The following LRRC4C variants were observed in gnomAD, a reference collection of about 807,000 sequenced individuals.
LRRC4C encodes leucine-rich repeat-containing protein 4C.
In LRRC4C, 5 loss-of-function variants were observed where a neutral mutation model predicts 33.6. The ratio of observed to expected loss-of-function variants is 0.15; its 90% CI spans 0.08 to 0.31. LRRC4C has a LOEUF of 0.31. LRRC4C is among the 10% of genes least tolerant of loss of function. LRRC4C has a pLI of 1.00. For synonymous variants in LRRC4C, 329 were observed against 302.0 expected, an observed-to-expected ratio of 1.09 and a Z score of -0.93; for missense variants, 560 against 796.7, an observed-to-expected ratio of 0.70 and a Z score of 3.58.
At position 41,371,845 on chromosome 11, in the gene LRRC4C, T is replaced by C. The variant is rs183321833; in HGVS notation, c.-496+87586A>G. 9.2e-5 allele frequency among the ~76,000 whole-genome samples: 14 copies of C among 152,192 alleles called. No individual in the cohort carries two copies. The East Asian group carries it at 2.3e-3, about 25-fold the overall frequency. ...ACACTGACTTCCTCCAAAACAGAGA[T>C]AGAAATTGGGCCGGGCGCGGTGGCT... On this transcript the variant is annotated intron_variant, in intron 1 of 6. Transcript: ENST00000528697.
Position 40,346,880 on chromosome 11 carries a change from T to G in LRRC4C, c.-269-27159A>C, listed in dbSNP as rs374036142. ...CAGCAAGCCATACTATAAATAGATG[T>G]GCTGTCATCCAGGCTTTGTCATTCC... On this transcript the variant is annotated intron_variant, in intron 3 of 6. Transcript: ENST00000528697. Among the ~76,000 whole-genome samples the G allele has an allele frequency of 2.0e-5, 3 of 152,236 alleles. No homozygotes were observed. In the East Asian group the frequency reaches 5.8e-4, roughly 29 times the overall value.
At chr11:40,365,220 C>T (rs1231168567) in intron 3 of LRRC4C, among the ~76,000 whole-genome samples, 3 of 151,816 alleles carry the variant, frequency 2.0e-5, no homozygotes, top group Non-Finnish European at 2.9e-5. Flanking sequence ...TGTGATGTAT[C>T]ATATATACGA....
At chr11:40,868,173 G>C (rs1954464542) in intron 2 of LRRC4C, among the ~76,000 whole-genome samples, 1 of 152,088 alleles carries the variant, frequency 6.6e-6, no homozygotes, top group Non-Finnish European at 1.5e-5. Flanking sequence ...AATGGCTGGG[G>C]GATGCTTGTG....
At chr11:41,060,063 A>C (rs1858951849) in intron 1 of LRRC4C, among the ~76,000 whole-genome samples, 1 of 152,116 alleles carries the variant, frequency 6.6e-6, no homozygotes, top group South Asian at 2.1e-4. Context: ...GCAAATAAGA[A>C]TGTTCATTTC....
chr11:40,749,561 T>A (rs1948587815), intron 2 of LRRC4C, among the ~76,000 whole-genome samples: 1 of 140,654 alleles, frequency 7.1e-6, no homozygotes. Context: ...TGGACTTCAA[T>A]AAATTAGAAA....
intron 1 of LRRC4C, among the ~76,000 whole-genome samples, chr11:41,407,037 A>C (rs1345653339): frequency 6.6e-6 from 1 of 152,166 alleles, no homozygotes; most frequent in Non-Finnish European, 1.5e-5. Context: ...GTGTTTTTCT[A>C]ATATACATTG....
rs115338205 is a variant in LRRC4C at position 40,526,823 on chromosome 11, G to A, written c.-270+121319C>T. On this transcript the variant is annotated intron_variant, in intron 3 of 6. Coordinates refer to ENST00000528697, the MANE Select transcript of LRRC4C (RefSeq NM_001258419.2). The stretch of plus-strand genomic sequence containing the variant: ...CAGTAAAGAGCATTTTAAAAATGTG[G>A]TGTATTCATATAATGAATACAGTAA... 2.3e-4 allele frequency among the ~76,000 whole-genome samples: 35 copies of A among 152,218 alleles called. No individual in the cohort carries two copies. The South Asian group carries it at 6.6e-3, about 29-fold the overall frequency.
At chr11:40,327,699 A>G (rs1036400500) in intron 3 of LRRC4C, among the ~76,000 whole-genome samples, 1 of 151,944 alleles carries the variant, frequency 6.6e-6, no homozygotes, top group Non-Finnish European at 1.5e-5. Context: ...TGAGTCTTTT[A>G]TAACTTCTCT....
intron 1 of LRRC4C, among the ~76,000 whole-genome samples, chr11:40,999,856 A>C (rs1565287129): frequency 6.6e-6 from 1 of 152,104 alleles, no homozygotes; most frequent in Non-Finnish European, 1.5e-5. Flanking sequence ...AAAAGAGGTA[A>C]CATTGGACCT....
intron 2 of LRRC4C, among the ~76,000 whole-genome samples, chr11:40,746,670 T>C (rs1190773625): frequency 6.6e-6 from 1 of 152,124 alleles, no homozygotes; most frequent in Non-Finnish European, 1.5e-5. Context: ...GACCAGGCTA[T>C]GTATGCTCCA....
intron 1 of LRRC4C, among the ~76,000 whole-genome samples, chr11:41,310,307 G>T (rs993758878): frequency 1.3e-5 from 2 of 152,168 alleles, no homozygotes; most frequent in African/African-American, 4.8e-5. Flanking sequence ...AGAAGAATTA[G>T]GACTCTGATG....
chr11:40,877,973 C>A (rs956783598), intron 2 of LRRC4C, among the ~76,000 whole-genome samples: 32 of 152,140 alleles, frequency 2.1e-4, no homozygotes, highest in Admixed American at 1.6e-3. Context: ...TGAGATGTAG[C>A]TTTTTGTTGG....
At chr11:40,396,614 G>C (rs552306333) in intron 3 of LRRC4C, among the ~76,000 whole-genome samples, 6 of 152,060 alleles carry the variant, frequency 3.9e-5, no homozygotes, top group Non-Finnish European at 7.4e-5. Flanking sequence ...ATTTAATAGA[G>C]AAACCTATTA....
intron 3 of LRRC4C, among the ~76,000 whole-genome samples, chr11:40,423,408 C>G (rs1254919182): frequency 4.1e-5 from 6 of 144,818 alleles, no homozygotes; most frequent in African/African-American, 7.6e-5. Flanking sequence ...GCAGTGGCGC[C>G]ATCTCGGCTC....
intron 1 of LRRC4C, among the ~76,000 whole-genome samples, chr11:41,372,059 C>T (rs1952769026): frequency 6.6e-6 from 1 of 152,202 alleles, no homozygotes; most frequent in South Asian, 2.1e-4. Flanking sequence ...ATGGCGTGAA[C>T]CCCGGAGGCA....
At chr11:41,050,016 T>C (rs891329506) in intron 1 of LRRC4C, among the ~76,000 whole-genome samples, 1 of 152,144 alleles carries the variant, frequency 6.6e-6, no homozygotes, top group Non-Finnish European at 1.5e-5. Context: ...TTTCATTAAC[T>C]TGGGGGTAAA....
intron 4 of LRRC4C, among the ~76,000 whole-genome samples, chr11:40,263,997 G>T (rs1326666242): frequency 1.3e-5 from 2 of 152,202 alleles, no homozygotes; most frequent in East Asian, 1.9e-4. Context: ...GTGGTCTAAG[G>T]CACCGGATTG....
At chr11:41,305,204 AG>A in intron 1 of LRRC4C, among the ~76,000 whole-genome samples, 1 of 51,530 alleles carries the variant, frequency 1.9e-5, no homozygotes, top group African/African-American at 5.0e-5. Context: ...CTGCCCGGCC[AG>A]CCGCCCCGTC....
At chr11:40,810,325 C>T (rs1344891888) in intron 2 of LRRC4C, among the ~76,000 whole-genome samples, 1 of 152,186 alleles carries the variant, frequency 6.6e-6, no homozygotes. Flanking sequence ...AGCAATATCT[C>T]AGTTGCCTTG....
Sources: allele counts gnomAD v4.1 joint callset (sites outside exome capture counted in the v4.1 genomes callset), GRCh38; gene constraint gnomAD v4.1.1; transcripts MANE v1.5; gene names NCBI Gene and HGNC (gene_info 2026-07-23, HGNC 2026-07-21).